PDE4D: variants seen among roughly 807,000 people sequenced by gnomAD.
The protein encoded by PDE4D is 3',5'-cyclic-AMP phosphodiesterase 4D.
Under a neutral mutation model 87.4 loss-of-function variants are expected in PDE4D, and 24 were observed. That is an observed-to-expected ratio of 0.27 (90% CI 0.20 to 0.39). The LOEUF is 0.39. Among genes scored for constraint, PDE4D ranks in the 10% least tolerant of loss-of-function variants. The probability of loss-of-function intolerance (pLI) is 1.00; values close to 1 mark genes in which losing one functional copy is unlikely to be tolerated. For synonymous variants in PDE4D, 384 were observed against 383.2 expected (o/e 1.00, Z -0.02); for missense variants, 714 against 1,041.0 (o/e 0.69, Z 4.32).
chr5:59,217,876 T>C (rs1751599182), intron 1 of PDE4D: 3 of 329,332 alleles, frequency 9.1e-6, no homozygotes, highest in Middle Eastern at 4.7e-4. Context: ...AATCATTCAA[T>C]AGACATACAT....
At chr5:59,243,545 T>C (rs1758148677) in intron 1 of PDE4D, among the ~76,000 whole-genome samples, 1 of 139,902 alleles carries the variant, frequency 7.1e-6, no homozygotes, top group Non-Finnish European at 1.5e-5. Flanking sequence ...CTGCAACCTC[T>C]GCTTCCCAGG....
At chr5:60,381,632 A>G (rs1257617103) in intron 1 of PDE4D, among the ~76,000 whole-genome samples, 1 of 152,210 alleles carries the variant, frequency 6.6e-6, no homozygotes, top group Non-Finnish European at 1.5e-5. Context: ...CGGGAAAGTC[A>G]GAAGGAACTG....
In PDE4D at chr5:59,222,287, T is replaced by C. The variant is rs116227044; in HGVS notation, c.456-6319A>G. 7.9e-3 allele frequency among the ~76,000 whole-genome samples: 1,206 copies of C among 152,312 alleles called. 15 individuals are homozygous for C. The highest frequency in any genetic ancestry group is 0.027 in the African/African-American group (1,131 of 41,576). Reference sequence around the variant, plus strand: ...GTCTGCTGAAGGTCATTTCTCATCTTTTTGGCCTTTTGCTAGACACTGCTT... The same window carrying C: ...GTCTGCTGAAGGTCATTTCTCATCTCTTTGGCCTTTTGCTAGACACTGCTT... On this transcript the variant is annotated intron_variant, in intron 1 of 14. Coordinates refer to ENST00000340635, the MANE Select transcript of PDE4D (RefSeq NM_001104631.2).
At chr5:59,038,825 TG>T (rs758691062) in intron 6 of PDE4D, 33 bp downstream of exon 6, 18 of 1,446,686 alleles carry the variant, frequency 1.2e-5, no homozygotes, top group South Asian at 1.5e-5. Flanking sequence ...ATCAGCAGCC[TG>T]GGGGCACCAG....
intron 2 of PDE4D, among the ~76,000 whole-genome samples, chr5:60,019,785 CAAG>C (rs1248276020): frequency 2.0e-5 from 3 of 152,168 alleles, no homozygotes; most frequent in Non-Finnish European, 4.4e-5. Context: ...TCTATATGAG[CAAG>C]AAGGCTATTC....
At chr5:59,817,639 T>G (rs1769124696) in intron 1 of PDE4D, among the ~76,000 whole-genome samples, 1 of 152,064 alleles carries the variant, frequency 6.6e-6, no homozygotes, top group African/African-American at 2.4e-5. Flanking sequence ...TTAAATGTGG[T>G]CATAAGGGTA....
rs532075086 is a variant in PDE4D, at chr5:59,683,079, T to C, written c.455+210089A>G. On this transcript the variant is annotated intron_variant, in intron 1 of 14. Transcript: ENST00000340635. The stretch of plus-strand genomic sequence containing the variant: ...CAACATTTTATCCATGTTAATTTGC[T>C]AATTTTAACCACTGAACTGTACCTA... Among the ~76,000 whole-genome samples, 3 of 152,346 alleles carry C rather than the reference T, an allele frequency of 2.0e-5. No individual in the cohort carries two copies. In the South Asian group the frequency reaches 6.2e-4, roughly 32 times the overall value.
intron 6 of PDE4D, among the ~76,000 whole-genome samples, chr5:59,012,236 T>C (rs907517706): frequency 2.0e-5 from 3 of 152,282 alleles, no homozygotes; most frequent in African/African-American, 4.8e-5. Context: ...AGGAAGAAAC[T>C]GCATCAACTA....
At chr5:59,817,410 C>T (rs1004381206) in intron 1 of PDE4D, among the ~76,000 whole-genome samples, 2 of 151,998 alleles carry the variant, frequency 1.3e-5, no homozygotes, top group African/African-American at 2.4e-5. Flanking sequence ...TTACTAATAC[C>T]GGGAGGAGTG....
intron 1 of PDE4D, among the ~76,000 whole-genome samples, chr5:60,332,415 C>T (rs1338977183): frequency 6.6e-6 from 1 of 152,072 alleles, no homozygotes; most frequent in Non-Finnish European, 1.5e-5. Flanking sequence ...AAGCAGCTAC[C>T]ACTAATAAGT....
intron 1 of PDE4D, among the ~76,000 whole-genome samples, chr5:60,217,886 AC>A (rs1583109356): frequency 6.6e-6 from 1 of 151,952 alleles, no homozygotes; most frequent in East Asian, 1.9e-4. Flanking sequence ...AATGAAAAAC[AC>A]TGACAATATC....
intron 1 of PDE4D, among the ~76,000 whole-genome samples, chr5:59,228,487 C>T (rs187962494): frequency 2.0e-5 from 3 of 150,830 alleles, no homozygotes; most frequent in East Asian, 2.0e-4. Context: ...GGTAGTGTTG[C>T]GGGGTGTTTC....
rs965580996 is a variant in PDE4D, at chr5:59,326,903, T to C, written c.456-110935A>G. Among the ~76,000 whole-genome samples the C allele has an allele frequency of 2.6e-5, 4 of 152,136 alleles. No homozygotes were observed. In the East Asian group the frequency reaches 7.7e-4, roughly 29 times the overall value. Reference sequence around the variant, plus strand: ...TGACTTCATCATTTCCCCAATAGATTCCAAAGCCAGAGAATACAATTCATG... The same window carrying C: ...TGACTTCATCATTTCCCCAATAGATCCCAAAGCCAGAGAATACAATTCATG... On this transcript the variant is annotated intron_variant, in intron 1 of 14. Transcript: ENST00000340635.
At chr5:58,984,905 GATTT>G (rs756971783) in intron 11 of PDE4D, among the ~76,000 whole-genome samples, 12 of 151,964 alleles carry the variant, frequency 7.9e-5, no homozygotes, top group South Asian at 6.2e-4. Flanking sequence ...ACATTTTATG[GATTT>G]ATTTATTTAT....
Position 59,926,346 on chromosome 5 carries a change from C to A in PDE4D, c.272+62142G>T. On this transcript the variant is annotated intron_variant, in intron 3 of 16. Transcript: ENST00000502484. ...GAAACAGAAACATACCAAAACCTAA[C>A]GGGTACAGTTGCAAGCAGTAATAAG... 1.3e-5 allele frequency among the ~76,000 whole-genome samples: 2 copies of A among 151,942 alleles called. 1 individual carries two copies. Among genetic ancestry groups the A allele is most frequent in the South Asian group, 4.2e-4 (2 of 4,806 alleles).
chr5:60,064,171 AT>A (rs1374176244), intron 2 of PDE4D, among the ~76,000 whole-genome samples: 2 of 152,078 alleles, frequency 1.3e-5, no homozygotes, highest in African/African-American at 4.8e-5. Context: ...ATCTATTTCC[AT>A]TTTTTAAAAG....
intron 2 of PDE4D, among the ~76,000 whole-genome samples, chr5:60,156,418 A>G (rs1282516592): frequency 6.6e-6 from 1 of 152,178 alleles, no homozygotes; most frequent in African/African-American, 2.4e-5. Flanking sequence ...TTCCTCCAGA[A>G]GTCCCAGTTA....
At chr5:59,137,494 T>G (rs1369698304) in intron 5 of PDE4D, among the ~76,000 whole-genome samples, 1 of 152,024 alleles carries the variant, frequency 6.6e-6, no homozygotes, top group Non-Finnish European at 1.5e-5. Context: ...TAATTTAGAT[T>G]TAAACAAGAA....
intron 1 of PDE4D, among the ~76,000 whole-genome samples, chr5:59,313,444 A>G (rs1167057409): frequency 2.0e-5 from 3 of 152,040 alleles, no homozygotes; most frequent in Non-Finnish European, 4.4e-5. Flanking sequence ...TCCCCCTAAT[A>G]TCCCAGTTTC....
Sources: gnomAD v4.1 joint callset for allele counts (sites outside exome capture counted in the v4.1 genomes callset) on GRCh38, gnomAD v4.1.1 for gene constraint, MANE v1.5 for transcripts, NCBI Gene and HGNC (gene_info 2026-07-23, HGNC 2026-07-21) for gene names.